The following GSK3B variants were observed in gnomAD, a reference collection of about 807,000 sequenced individuals.
GSK3B encodes glycogen synthase kinase-3 beta.
Under a neutral mutation model 56.4 loss-of-function variants are expected in GSK3B, and 15 were observed. The ratio of observed to expected loss-of-function variants is 0.27; its 90% CI spans 0.18 to 0.41. GSK3B has a LOEUF of 0.41. Ranked by LOEUF, GSK3B falls within the 10% of genes least tolerant of loss-of-function variation. The pLI is 1.00. For synonymous variants in GSK3B, 181 were observed against 188.9 expected (o/e 0.96, Z 0.34); for missense variants, 300 against 513.4 (o/e 0.58, Z 4.02).
At chr3:119,860,032 A>C (rs1406527822) in intron 9 of GSK3B, among the ~76,000 whole-genome samples, 1 of 152,198 alleles carries the variant, frequency 6.6e-6, no homozygotes, top group Non-Finnish European at 1.5e-5. Flanking sequence ...ATCCTACCCT[A>C]CACTCTCAGG....
rs2056305557 is a variant in GSK3B at position 119,875,812 on chromosome 3, G to A, written c.909+601C>T. Among the ~76,000 whole-genome samples the A allele has an allele frequency of 2.0e-5, 3 of 151,742 alleles. No individual in the cohort carries two copies. In the South Asian group the frequency reaches 6.2e-4, roughly 32 times the overall value. ...AAAAAAAAAGTTCCCTGGTACATTA[G>A]CAACTATGCTGTTTAGAACTGGTTC... On this transcript the variant is annotated intron_variant, in intron 8 of 10. Coordinates refer to ENST00000264235, the MANE Select transcript of GSK3B (RefSeq NM_001146156.2).
At chr3:119,995,606 G>T (rs2057608716) in intron 2 of GSK3B, among the ~76,000 whole-genome samples, 1 of 150,620 alleles carries the variant, frequency 6.6e-6, no homozygotes, top group Admixed American at 6.6e-5. Flanking sequence ...GCTAATTTCT[G>T]TATTTTTTAG....
chr3:120,084,237 T>G (rs1559906732), intron 1 of GSK3B, among the ~76,000 whole-genome samples: 1 of 152,152 alleles, frequency 6.6e-6, no homozygotes, highest in East Asian at 1.9e-4. Flanking sequence ...TTTAAATAAA[T>G]AATAGTTTTT....
chr3:120,061,960 C>A (rs2058240648), intron 1 of GSK3B, among the ~76,000 whole-genome samples: 1 of 151,804 alleles, frequency 6.6e-6, no homozygotes, highest in Admixed American at 6.6e-5. Flanking sequence ...TCGAACTCCC[C>A]ACCTCAGGTG....
intron 2 of GSK3B, among the ~76,000 whole-genome samples, chr3:119,964,825 T>C (rs2057304320): frequency 1.3e-5 from 2 of 152,170 alleles, no homozygotes; most frequent in Non-Finnish European, 2.9e-5. Context: ...GCAATAGATA[T>C]ATGTTTATTA....
chr3:119,833,690 GTTTTTTTTTTTTTTT>G (rs902919136), intron 10 of GSK3B, among the ~76,000 whole-genome samples: 2 of 75,788 alleles, frequency 2.6e-5, no homozygotes, highest in African/African-American at 5.1e-5. Context: ...ACATTAGGTT[GTTTTTTTTTTTTTTT>G]TTTTTTTTTA....
At chr3:120,086,864 G>A (rs1028022479) in intron 1 of GSK3B, among the ~76,000 whole-genome samples, 5 of 151,832 alleles carry the variant, frequency 3.3e-5, no homozygotes, top group African/African-American at 2.4e-5. Flanking sequence ...ATTTACCCTG[G>A]AACTATATGA....
At chr3:120,079,402 T>C (rs2058397644) in intron 1 of GSK3B, among the ~76,000 whole-genome samples, 1 of 151,832 alleles carries the variant, frequency 6.6e-6, no homozygotes, top group South Asian at 2.1e-4. Flanking sequence ...ATATTAAACA[T>C]TTTTTTCTTT....
intron 2 of GSK3B, among the ~76,000 whole-genome samples, chr3:119,964,745 C>G (rs2057303731): frequency 6.6e-6 from 1 of 151,960 alleles, no homozygotes; most frequent in Admixed American, 6.6e-5. Context: ...AATGTCATGT[C>G]AAATATTCTT....
In GSK3B at chr3:119,825,536, T is replaced by A. The variant is rs1390497199; in HGVS notation, c.*1252A>T. 1 of 228,094 alleles carries A rather than the reference T, an allele frequency of 4.4e-6. No individual in the cohort carries two copies. The highest frequency in any genetic ancestry group is 8.7e-6 in the Non-Finnish European group (1 of 115,034). The allele number at this position is 228,094 out of a possible 1,614,324, so 14.1% of individuals were successfully genotyped here. ...AACATATATACACACATTTATATCA[T>A]CAGCTTTCCTATAAAGTCAGCAGGT... On this transcript the variant is annotated 3_prime_UTR_variant, in exon 11 of 11. Coordinates refer to ENST00000264235, the MANE Select transcript of GSK3B (RefSeq NM_001146156.2).
chr3:120,071,445 C>G (rs765318893), intron 1 of GSK3B, among the ~76,000 whole-genome samples: 1 of 152,184 alleles, frequency 6.6e-6, no homozygotes, highest in Non-Finnish European at 1.5e-5. Flanking sequence ...AGGCTTCATC[C>G]GTATTTACAG....
intron 2 of GSK3B, among the ~76,000 whole-genome samples, chr3:119,980,883 T>A (rs1028342652): frequency 2.3e-4 from 35 of 152,190 alleles, no homozygotes; most frequent in South Asian, 1.2e-3. Context: ...CTAAGTTAAC[T>A]GGTTGTTTAA....
intron 10 of GSK3B, among the ~76,000 whole-genome samples, chr3:119,833,578 T>A (rs1360447636): frequency 6.6e-6 from 1 of 152,102 alleles, no homozygotes; most frequent in Non-Finnish European, 1.5e-5. Context: ...TTATTAAACA[T>A]TTTACTATTT....
intron 1 of GSK3B, among the ~76,000 whole-genome samples, chr3:120,025,488 GTAATT>G (rs1481316731): frequency 2.0e-5 from 3 of 152,162 alleles, no homozygotes; most frequent in Admixed American, 2.0e-4. Context: ...AGAGATTGAA[GTAATT>G]CTGGAGAAGA....
At chr3:120,069,804 T>C (rs1337129778) in intron 1 of GSK3B, among the ~76,000 whole-genome samples, 1 of 152,164 alleles carries the variant, frequency 6.6e-6, no homozygotes, top group Non-Finnish European at 1.5e-5. Context: ...AATACTCACT[T>C]AAAAACTTCC....
In GSK3B at chr3:120,094,041, G is replaced by A. The variant is rs2058540861; in HGVS notation, c.-607C>T. The A allele has an allele frequency of 4.4e-6, 1 of 226,164 alleles. No individual in the cohort carries two copies. Among genetic ancestry groups the A allele is most frequent in the Non-Finnish European group, 8.9e-6 (1 of 112,508 alleles). 14.0% of individuals were successfully genotyped at this position (226,164 alleles called of 1,614,324 possible). A position where few individuals can be genotyped will look rare whatever the true frequency, so the allele number is the denominator to read the frequency against. On this transcript the variant is annotated 5_prime_UTR_variant, in exon 1 of 11. Coordinates refer to ENST00000264235, the MANE Select transcript of GSK3B (RefSeq NM_001146156.2). ...GGAGTCGCGAGTCAGTCAGAGGCGG[G>A]CGGTGGCGGTGGCGGCGGCTCCTCT...
chr3:120,065,908 CCA>C (rs1293046837), intron 1 of GSK3B, among the ~76,000 whole-genome samples: 4 of 152,148 alleles, frequency 2.6e-5, no homozygotes, highest in South Asian at 2.1e-4. Context: ...ATAAGCAAAT[CCA>C]CAGAGTTGGA....
At chr3:120,069,949 T>C (rs2058312593) in intron 1 of GSK3B, among the ~76,000 whole-genome samples, 1 of 152,328 alleles carries the variant, frequency 6.6e-6, no homozygotes, top group South Asian at 2.1e-4. Flanking sequence ...GCGCGGTGGC[T>C]CATGCCTGTA....
chr3:120,041,394 C>A, intron 1 of GSK3B: 1 of 284,198 alleles, frequency 3.5e-6, no homozygotes, highest in Non-Finnish European at 7.4e-6. Flanking sequence ...AGGATGGAAC[C>A]CATACTACAA....
Sources: allele counts gnomAD v4.1 joint callset (sites outside exome capture counted in the v4.1 genomes callset), GRCh38; gene constraint gnomAD v4.1.1; transcripts MANE v1.5; gene names NCBI Gene and HGNC (gene_info 2026-07-23, HGNC 2026-07-21).